Variants in DOK6 observed in about 807,000 individuals in gnomAD.
The protein encoded by DOK6 is downstream of tyrosine kinase 6.
DOK6 carries 22 observed loss-of-function variants against 44.0 expected under a neutral mutation model. That is an observed-to-expected ratio of 0.50 (90% CI 0.36 to 0.71). The LOEUF is 0.71. DOK6 is among the 30% of genes least tolerant of loss of function. The pLI, the probability that DOK6 is intolerant of heterozygous loss-of-function variation, is 0.00. For synonymous variants in DOK6, 166 were observed against 145.5 expected, an observed-to-expected ratio of 1.14 and a Z score of -1.01; for missense variants, 340 against 416.4, an observed-to-expected ratio of 0.82 and a Z score of 1.60.
At chr18:69,590,913 A>G (rs10513967) in intron 2 of DOK6, among the ~76,000 whole-genome samples, 116,119 of 152,074 alleles carry the variant, frequency 0.76, 47,328 homozygotes, top group Non-Finnish European at 0.91. Flanking sequence ...ATACATGGAA[A>G]AGTGGATCTC....
In DOK6 at chr18:69,659,284, G is replaced by T. The variant is rs558457949; in HGVS notation, c.290-18450G>T. 1.1e-4 allele frequency among the ~76,000 whole-genome samples: 17 copies of T among 152,316 alleles called. No individual in the cohort carries two copies. In the South Asian group the frequency reaches 3.5e-3, roughly 32 times the overall value. ...CATATTACATAAAATGATTTCAAAA[G>T]TCACTGCTGTGCACGTCTACGTGTG... On this transcript the variant is annotated intron_variant, in intron 3 of 7. Transcript: ENST00000382713.
intron 1 of DOK6, among the ~76,000 whole-genome samples, chr18:69,468,924 C>T (rs1234507062): frequency 6.6e-6 from 1 of 152,216 alleles, no homozygotes; most frequent in Non-Finnish European, 1.5e-5. Context: ...AACTGTGACA[C>T]ACTTCAGAGT....
chr18:69,623,214 TGAGG>T (rs1984483246), intron 3 of DOK6, among the ~76,000 whole-genome samples: 2 of 152,282 alleles, frequency 1.3e-5, no homozygotes, highest in Admixed American at 1.3e-4. Flanking sequence ...GTAAGTTTCA[TGAGG>T]CCTCCCCAGA....
chr18:69,479,054 C>T lies in DOK6; in HGVS notation c.66+77744C>T, dbSNP rs1221300503. 2.6e-5 allele frequency among the ~76,000 whole-genome samples: 4 copies of T among 151,788 alleles called. No homozygotes were observed. In the East Asian group the frequency reaches 7.7e-4, roughly 29 times the overall value. On this transcript the variant is annotated intron_variant, in intron 1 of 7. Transcript: ENST00000382713. Reference sequence around the variant, plus strand: ...TTTGCTAAACTGTTTCTTGAGTGCTCAGCACACTGAAGGATGCTTGCATTG... The same window carrying T: ...TTTGCTAAACTGTTTCTTGAGTGCTTAGCACACTGAAGGATGCTTGCATTG...
At chr18:69,610,712 T>C (rs1421881591) in intron 3 of DOK6, among the ~76,000 whole-genome samples, 1 of 152,074 alleles carries the variant, frequency 6.6e-6, no homozygotes, top group African/African-American at 2.4e-5. Flanking sequence ...TAAAAAACAA[T>C]ACAAATTAGG....
intron 1 of DOK6, among the ~76,000 whole-genome samples, chr18:69,553,123 C>T (rs1394834447): frequency 4.6e-5 from 7 of 152,082 alleles, no homozygotes; most frequent in African/African-American, 1.4e-4. Context: ...CTCTATTCAC[C>T]CCAAACATAT....
At chr18:69,709,985 C>T (rs1986721318) in intron 5 of DOK6, among the ~76,000 whole-genome samples, 1 of 152,108 alleles carries the variant, frequency 6.6e-6, no homozygotes, top group Non-Finnish European at 1.5e-5. Flanking sequence ...CAAGAGCAGA[C>T]TTGGCAACAT....
At chr18:69,814,040 C>T (rs556705935) in intron 7 of DOK6, among the ~76,000 whole-genome samples, 2 of 151,686 alleles carry the variant, frequency 1.3e-5, no homozygotes, top group South Asian at 2.1e-4. Context: ...GGAGGAGACA[C>T]CAGCAGAAGA....
intron 7 of DOK6, among the ~76,000 whole-genome samples, chr18:69,821,530 C>T (rs986051835): frequency 6.6e-6 from 1 of 152,066 alleles, no homozygotes; most frequent in African/African-American, 2.4e-5. Context: ...TAAAAGTACC[C>T]TATTGTGGTA....
intron 5 of DOK6, among the ~76,000 whole-genome samples, chr18:69,709,853 A>G (rs1986718542): frequency 6.6e-6 from 1 of 152,144 alleles, no homozygotes; most frequent in Non-Finnish European, 1.5e-5. Flanking sequence ...TCTGATTATA[A>G]CTTCTTGGCC....
intron 1 of DOK6, among the ~76,000 whole-genome samples, chr18:69,540,555 A>G: frequency 6.6e-6 from 1 of 152,208 alleles, no homozygotes; most frequent in East Asian, 1.9e-4. Context: ...TATTTCCTCC[A>G]TAAATGCCTT....
intron 7 of DOK6, among the ~76,000 whole-genome samples, chr18:69,783,789 T>C (rs139361174): frequency 6.6e-6 from 1 of 152,230 alleles, no homozygotes; most frequent in East Asian, 1.9e-4. Context: ...AAAATTCTTA[T>C]AATTTTCAAT....
chr18:69,805,794 A>G (rs1404355939), intron 7 of DOK6, among the ~76,000 whole-genome samples: 1 of 152,154 alleles, frequency 6.6e-6, no homozygotes, highest in East Asian at 1.9e-4. Flanking sequence ...CTGAAAGTTT[A>G]TAAGCTTAAC....
chr18:69,491,113 G>T (rs1191954699), intron 1 of DOK6, among the ~76,000 whole-genome samples: 1 of 152,132 alleles, frequency 6.6e-6, no homozygotes, highest in Non-Finnish European at 1.5e-5. Flanking sequence ...TTCAGTAAGT[G>T]TTATCTACAT....
Position 69,712,319 on chromosome 18 carries a change from AAAAAAAAT to A in DOK6, c.599+13727_599+13734del, listed in dbSNP as rs1568341278. 5.2e-3 allele frequency among the ~76,000 whole-genome samples: 365 copies of A among 69,678 alleles called. 72 individuals are homozygous for A. The highest frequency in any genetic ancestry group is 8.4e-3 in the African/African-American group (142 of 16,840). 45.7% of individuals were successfully genotyped at this position (69,678 alleles called of 152,430 possible). Reference sequence around the variant, plus strand: ...AAAAAAAAAAAAAAAAAAAAAAAAAAAAAAAAATTTAACCTTTTCCGAATCACATTTGT... The same window carrying A: ...AAAAAAAAAAAAAAAAAAAAAAAAAATTAACCTTTTCCGAATCACATTTGT... On this transcript the variant is annotated intron_variant, in intron 5 of 7. Transcript: ENST00000382713.
chr18:69,420,257 GT>G (rs1978451611), intron 1 of DOK6, among the ~76,000 whole-genome samples: 2 of 151,626 alleles, frequency 1.3e-5, no homozygotes, highest in Non-Finnish European at 2.9e-5. Flanking sequence ...ATTTTTTTCA[GT>G]TACTATTTTG....
chr18:69,734,677 T>C (rs1163507098), intron 5 of DOK6, among the ~76,000 whole-genome samples: 1 of 152,174 alleles, frequency 6.6e-6, no homozygotes, highest in East Asian at 1.9e-4. Context: ...GTACACAATA[T>C]TGCAAAACTT....
At position 69,549,115 on chromosome 18, in the gene DOK6, C is replaced by A. The variant is rs913831071; in HGVS notation, c.67-15372C>A. 1.8e-3 allele frequency among the ~76,000 whole-genome samples: 265 copies of A among 148,682 alleles called. 9 individuals carry two copies. Among genetic ancestry groups the A allele is most frequent in the Middle Eastern group, 3.6e-3 (1 of 280 alleles). On this transcript the variant is annotated intron_variant, in intron 1 of 7. Transcript: ENST00000382713. ...CGTCTCAAAAAAAAAAAAACAACAA[C>A]AAAAAATTTCTACCTTAACGTGCCT...
At chr18:69,662,420 C>G (rs1345607124) in intron 3 of DOK6, 1 of 152,170 alleles carries the variant, frequency 6.6e-6, no homozygotes, top group African/African-American at 2.4e-5. Context: ...ATTTATTACT[C>G]TCTTTACCTC....
Sources: allele counts gnomAD v4.1 joint callset (sites outside exome capture counted in the v4.1 genomes callset), GRCh38; gene constraint gnomAD v4.1.1; transcripts MANE v1.5; gene names NCBI Gene and HGNC (gene_info 2026-07-23, HGNC 2026-07-21).